Variants in CCDC83 observed in about 807,000 individuals in gnomAD.
CCDC83 encodes coiled-coil domain containing 83.
A neutral mutation model predicts 50.1 loss-of-function variants in CCDC83; 54 were observed. That is an observed-to-expected ratio of 1.08 (90% CI 0.87 to 1.35). The LOEUF (loss-of-function observed/expected upper bound fraction) is 1.35. Among genes scored for constraint, CCDC83 ranks in the 40% most tolerant of loss-of-function variants. The pLI, the probability that CCDC83 is intolerant of heterozygous loss-of-function variation, is 0.00. For missense variants in CCDC83, 518 were observed against 473.9 expected (o/e 1.09, Z -0.86); for synonymous variants, 161 against 153.3 (o/e 1.05, Z -0.37).
intron 8 of CCDC83, among the ~76,000 whole-genome samples, chr11:85,913,581 T>A (rs1024793097): frequency 6.6e-6 from 1 of 152,234 alleles, no homozygotes; most frequent in Non-Finnish European, 1.5e-5. Context: ...GAAATAGACA[T>A]GAACTGTCTC....
chr11:85,884,411 G>A (rs530073230), intron 4 of CCDC83, among the ~76,000 whole-genome samples: 1 of 152,256 alleles, frequency 6.6e-6, no homozygotes, highest in Admixed American at 6.5e-5. Flanking sequence ...TACTGAATCA[G>A]AATCCGCATT....
intron 1 of CCDC83, among the ~76,000 whole-genome samples, chr11:85,858,505 T>G (rs2093155862): frequency 6.6e-6 from 1 of 152,206 alleles, no homozygotes; most frequent in Non-Finnish European, 1.5e-5. Context: ...TCCCTGGGGC[T>G]GGTCACTCAG....
intron 2 of CCDC83, among the ~76,000 whole-genome samples, chr11:85,867,505 G>A (rs2093214213): frequency 6.6e-6 from 1 of 152,186 alleles, no homozygotes; most frequent in Non-Finnish European, 1.5e-5. Context: ...AACACCAAGA[G>A]AGAAGAGGCT....
intron 1 of CCDC83, among the ~76,000 whole-genome samples, chr11:85,863,332 C>T (rs2093188549): frequency 1.3e-5 from 2 of 152,146 alleles, no homozygotes; most frequent in Admixed American, 1.3e-4. Flanking sequence ...GAGTAATCTT[C>T]TCTTAGCTGA....
chr11:85,908,343 C>T (rs991115605), intron 7 of CCDC83, among the ~76,000 whole-genome samples: 1 of 152,012 alleles, frequency 6.6e-6, no homozygotes, highest in Admixed American at 6.6e-5. Context: ...GGCACCGTGG[C>T]TCACACCTAT....
intron 7 of CCDC83, among the ~76,000 whole-genome samples, chr11:85,907,855 CA>C (rs1431703990): frequency 6.6e-6 from 1 of 152,114 alleles, no homozygotes; most frequent in Non-Finnish European, 1.5e-5. Flanking sequence ...CGAAAGAGAC[CA>C]AGAACTGTGT....
At chr11:85,889,927 A>C (rs547938623) in intron 5 of CCDC83, among the ~76,000 whole-genome samples, 1 of 152,320 alleles carries the variant, frequency 6.6e-6, no homozygotes, top group South Asian at 2.1e-4. Flanking sequence ...GAAGAAGAAA[A>C]CCAGTTTCGC....
At chr11:85,867,157 G>T (rs2093212209) in intron 2 of CCDC83, among the ~76,000 whole-genome samples, 2 of 152,084 alleles carry the variant, frequency 1.3e-5, no homozygotes, top group Middle Eastern at 3.2e-3. Flanking sequence ...CTGGGCTCAA[G>T]TGTTCCTCCT....
chr11:85,869,005 G>GTTGTCGGATCT (rs2093222844), intron 2 of CCDC83, among the ~76,000 whole-genome samples: 2 of 152,302 alleles, frequency 1.3e-5, no homozygotes, highest in South Asian at 4.1e-4. Context: ...TTGAGTAAAT[G>GTTGTCGGATCT]TTGTCGGATC....
intron 2 of CCDC83, among the ~76,000 whole-genome samples, chr11:85,867,750 T>C (rs913942789): frequency 1.3e-5 from 2 of 152,220 alleles, no homozygotes; most frequent in East Asian, 1.9e-4. Context: ...AACCAGTCTT[T>C]CTCCTCTTTA....
chr11:85,858,939 A>G (rs753378340), intron 1 of CCDC83, among the ~76,000 whole-genome samples: 3 of 152,132 alleles, frequency 2.0e-5, no homozygotes, highest in Non-Finnish European at 4.4e-5. Flanking sequence ...AGGAGTTAGA[A>G]TAGACTGTTA....
intron 10 of CCDC83, 190 bp downstream of exon 10, chr11:85,916,423 C>A: frequency 1.7e-6 from 1 of 580,300 alleles, no homozygotes. Context: ...CAATTTGCTA[C>A]CTATATTCCT....
At chr11:85,875,006 G>A (rs1402534694) in intron 3 of CCDC83, among the ~76,000 whole-genome samples, 1 of 152,200 alleles carries the variant, frequency 6.6e-6, no homozygotes, top group Non-Finnish European at 1.5e-5. Flanking sequence ...GCAGACATGC[G>A]AAGAGTGAGC....
rs2135137164 is a variant in CCDC83 at position 85,911,421 on chromosome 11, T to G, written c.794+19T>G. On this transcript the variant is annotated intron_variant, in intron 8 of 10. Transcript: ENST00000342404. ...TACCCAGGTGAAAATTGTTAATATA[T>G]AGAGAGTATTTTGTAAACATTTGTA... The G allele has an allele frequency of 1.3e-6, 2 of 1,538,938 alleles. No homozygotes were observed. The highest frequency in any genetic ancestry group is 1.7e-6 in the Non-Finnish European group (2 of 1,145,668).
intron 7 of CCDC83, among the ~76,000 whole-genome samples, chr11:85,906,769 C>CTTTTT (rs778653199): frequency 1.3e-5 from 2 of 151,790 alleles, no homozygotes; most frequent in Non-Finnish European, 2.9e-5. Flanking sequence ...TCTGTGGTCC[C>CTTTTT]AGCTACTTAT....
intron 6 of CCDC83, among the ~76,000 whole-genome samples, chr11:85,896,354 T>G (rs2093375222): frequency 6.8e-6 from 1 of 147,524 alleles, no homozygotes; most frequent in South Asian, 2.1e-4. Flanking sequence ...TGAGCCGTAT[T>G]TGCGCCACTG....
chr11:85,874,515 C>G (rs548223837), intron 3 of CCDC83, among the ~76,000 whole-genome samples: 1 of 152,190 alleles, frequency 6.6e-6, no homozygotes, highest in Non-Finnish European at 1.5e-5. Flanking sequence ...GTGGACCCAG[C>G]AGTGAGGAGC....
chr11:85,915,293 A>C, intron 8 of CCDC83, 126 bp from the exon 9 acceptor site: 2 of 670,616 alleles, frequency 3.0e-6, no homozygotes, highest in East Asian at 5.4e-5. Flanking sequence ...TATGCTCCTC[A>C]GGGTAGAAAT....
intron 1 of CCDC83, among the ~76,000 whole-genome samples, chr11:85,862,756 G>T (rs1422979194): frequency 6.6e-6 from 1 of 152,128 alleles, no homozygotes; most frequent in Non-Finnish European, 1.5e-5. Flanking sequence ...GTTTATGAAA[G>T]TCCCCATGAT....
Sources: gnomAD v4.1 joint callset for allele counts (sites outside exome capture counted in the v4.1 genomes callset) on GRCh38, gnomAD v4.1.1 for gene constraint, MANE v1.5 for transcripts, NCBI Gene and HGNC (gene_info 2026-07-23, HGNC 2026-07-21) for gene names.